GABRG3: variants seen among roughly 807,000 people sequenced by gnomAD.
GABRG3 encodes gamma-aminobutyric acid type A receptor subunit gamma3, also known as gamma-aminobutyric acid receptor subunit gamma-3.
Under a neutral mutation model 48.8 loss-of-function variants are expected in GABRG3, and 25 were observed. The ratio of observed to expected loss-of-function variants is 0.51; its 90% CI spans 0.37 to 0.72. The LOEUF (loss-of-function observed/expected upper bound fraction) is 0.72, where lower values mean the gene tolerates loss of function less well. Ranked by LOEUF, GABRG3 falls within the 30% of genes least tolerant of loss-of-function variation. The pLI, the probability that GABRG3 is intolerant of heterozygous loss-of-function variation, is 0.00. For missense variants in GABRG3, 394 were observed against 577.9 expected (o/e 0.68, Z 3.26); for synonymous variants, 227 against 217.6 (o/e 1.04, Z -0.38).
chr15:27,085,837 A>G (rs1040226213), intron 3 of GABRG3, among the ~76,000 whole-genome samples: 28 of 152,218 alleles, frequency 1.8e-4, no homozygotes, highest in Admixed American at 8.5e-4. Flanking sequence ...TTATTTTAGT[A>G]TACTGAAATC....
At chr15:27,054,519 G>C (rs919356246) in intron 3 of GABRG3, among the ~76,000 whole-genome samples, 1 of 152,192 alleles carries the variant, frequency 6.6e-6, no homozygotes, top group Non-Finnish European at 1.5e-5. Flanking sequence ...CCAAAGTCAC[G>C]TTTTTCAGAA....
chr15:27,335,464 G>T (rs1205293895), intron 5 of GABRG3, among the ~76,000 whole-genome samples: 1 of 152,160 alleles, frequency 6.6e-6, no homozygotes, highest in Non-Finnish European at 1.5e-5. Context: ...AGCTCATTAT[G>T]ATTTTGATTT....
chr15:27,434,463 C>T (rs1025960470), intron 5 of GABRG3, among the ~76,000 whole-genome samples: 2 of 151,952 alleles, frequency 1.3e-5, no homozygotes, highest in African/African-American at 4.8e-5. Context: ...ATGTAGTGAA[C>T]AGTGAATGAT....
chr15:27,325,055 G>A (rs1028610650), intron 3 of GABRG3, among the ~76,000 whole-genome samples: 3 of 117,528 alleles, frequency 2.6e-5, no homozygotes, highest in African/African-American at 1.0e-4. Flanking sequence ...GACACCAGGC[G>A]TCTGGCTTCC....
chr15:27,249,179 G>A (rs1035449461), intron 3 of GABRG3, among the ~76,000 whole-genome samples: 4 of 152,158 alleles, frequency 2.6e-5, no homozygotes, highest in Non-Finnish European at 4.4e-5. Context: ...TGGAAGCTGC[G>A]TCCCGGCCAC....
chr15:27,306,988 ATGTT>A lies in GABRG3; in HGVS notation c.271-19819_271-19816del, dbSNP rs1428204248. Among the ~76,000 whole-genome samples, 9 of 120,220 alleles carry A rather than the reference ATGTT, an allele frequency of 7.5e-5. 3 individuals are homozygous for A. The highest frequency in any genetic ancestry group is 1.7e-4 in the Admixed American group (2 of 11,930). 78.9% of individuals were successfully genotyped at this position (120,220 alleles called of 152,430 possible). On this transcript the variant is annotated intron_variant, in intron 3 of 9. Coordinates refer to ENST00000615808, the MANE Select transcript of GABRG3 (RefSeq NM_033223.5). ...ATATATAAACATATATAATATAAAC[ATGTT>A]TATATATAAACATGTATAAACATGT...
intron 2 of GABRG3, among the ~76,000 whole-genome samples, chr15:27,001,042 G>C (rs1447989283): frequency 6.6e-6 from 1 of 152,132 alleles, no homozygotes; most frequent in East Asian, 1.9e-4. Context: ...ACCCAAGCGA[G>C]GACCTTTACA....
Position 27,539,364 on chromosome 15 carries a change from G to A in GABRG3, c.*6483G>A, listed in dbSNP as rs1458665857. On this transcript the variant is annotated 3_prime_UTR_variant, in exon 10 of 10. Transcript: ENST00000615808. ...TACAACTGGATTCATTAGCACACGT[G>A]TGGGAACATGTGCCTGTGCCCACCC... The A allele has an allele frequency of 6.6e-6, 1 of 152,230 alleles. No individual in the cohort carries two copies. The highest frequency in any genetic ancestry group is 1.9e-4 in the East Asian group (1 of 5,190). 9.4% of individuals were successfully genotyped at this position (152,230 alleles called of 1,614,324 possible).
At chr15:27,528,622 G>A (rs1044574900) in intron 9 of GABRG3, among the ~76,000 whole-genome samples, 4 of 152,122 alleles carry the variant, frequency 2.6e-5, no homozygotes, top group Non-Finnish European at 5.9e-5. Flanking sequence ...ACCTCATCCC[G>A]AACTTTCCCT....
intron 6 of GABRG3, among the ~76,000 whole-genome samples, chr15:27,500,815 C>T (rs1276625802): frequency 6.7e-6 from 1 of 149,616 alleles, no homozygotes; most frequent in Non-Finnish European, 1.5e-5. Flanking sequence ...TTTTAGTGAC[C>T]TGCAGGTGTA....
intron 3 of GABRG3, among the ~76,000 whole-genome samples, chr15:27,304,422 TTATTA>T (rs1159894323): frequency 1.3e-5 from 2 of 151,938 alleles, no homozygotes; most frequent in Non-Finnish European, 2.9e-5. Context: ...AAAAATCAAT[TTATTA>T]TCTTATAGTT....
intron 5 of GABRG3, among the ~76,000 whole-genome samples, chr15:27,374,956 T>C (rs1261267883): frequency 6.6e-6 from 1 of 152,052 alleles, no homozygotes; most frequent in East Asian, 1.9e-4. Context: ...AATCACAGAC[T>C]GATGACCCCC....
intron 3 of GABRG3, among the ~76,000 whole-genome samples, chr15:27,070,063 A>T (rs545725623): frequency 6.6e-6 from 1 of 152,354 alleles, no homozygotes; most frequent in Non-Finnish European, 1.5e-5. Flanking sequence ...TGTGAAAAAA[A>T]CAGAAAACCA....
chr15:27,400,754 C>T lies in GABRG3; in HGVS notation c.574+71866C>T, dbSNP rs138186070. Among the ~76,000 whole-genome samples the T allele has an allele frequency of 1.3e-3, 202 of 152,290 alleles. 1 individual carries two copies. Among genetic ancestry groups the T allele is most frequent in the African/African-American group, 3.3e-3 (136 of 41,558 alleles). The stretch of plus-strand genomic sequence containing the variant: ...CAGACTGAGAGGAAATTGACTGGCT[C>T]AAAGAGAACTTCCTATTCTAAATTT... On this transcript the variant is annotated intron_variant, in intron 5 of 9. Coordinates refer to ENST00000615808, the MANE Select transcript of GABRG3 (RefSeq NM_033223.5).
chr15:27,173,705 CA>C (rs199674664), intron 3 of GABRG3, among the ~76,000 whole-genome samples: 2,187 of 73,338 alleles, frequency 0.03, 27 homozygotes, highest in African/African-American at 0.074. Context: ...CTATCGCTGC[CA>C]AAAAAAAAAA....
At chr15:27,472,514 G>A (rs1889816926) in intron 5 of GABRG3, among the ~76,000 whole-genome samples, 1 of 152,114 alleles carries the variant, frequency 6.6e-6, no homozygotes, top group Non-Finnish European at 1.5e-5. Context: ...GACCTCAAAT[G>A]ACCTGCCCAC....
chr15:27,174,926 G>A (rs192491218), intron 3 of GABRG3, among the ~76,000 whole-genome samples: 6 of 152,046 alleles, frequency 3.9e-5, no homozygotes, highest in Non-Finnish European at 7.4e-5. Flanking sequence ...CTTGGGCATC[G>A]GCACATGGAC....
At chr15:27,526,335 G>A (rs1218252732) in intron 7 of GABRG3, among the ~76,000 whole-genome samples, 1 of 152,188 alleles carries the variant, frequency 6.6e-6, no homozygotes, top group Admixed American at 6.5e-5. Flanking sequence ...GGAAAGTAAT[G>A]TGTCCTCATC....
chr15:27,241,378 A>G lies in GABRG3; in HGVS notation c.271-85431A>G, dbSNP rs115578547. Among the ~76,000 whole-genome samples, 857 of 152,312 alleles carry G rather than the reference A, an allele frequency of 5.6e-3. 9 individuals carry two copies. The highest frequency in any genetic ancestry group is 0.019 in the African/African-American group (807 of 41,572). On this transcript the variant is annotated intron_variant, in intron 3 of 9. Coordinates refer to ENST00000615808, the MANE Select transcript of GABRG3 (RefSeq NM_033223.5). ...TGACCAAGTTTAGACATTGGGCAAC[A>G]GTTTCTAGAACTGTTATACAAACCA...
Sources: allele counts gnomAD v4.1 joint callset (sites outside exome capture counted in the v4.1 genomes callset), GRCh38; gene constraint gnomAD v4.1.1; transcripts MANE v1.5; gene names NCBI Gene and HGNC (gene_info 2026-07-23, HGNC 2026-07-21).